Variants in PHF20 observed in about 807,000 individuals in gnomAD.
The protein encoded by PHF20 is glioma-expressed antigen 2.
PHF20 carries 23 observed loss-of-function variants against 113.5 expected under a neutral mutation model. That is an observed-to-expected ratio of 0.20 (90% CI 0.15 to 0.29). The LOEUF (loss-of-function observed/expected upper bound fraction) is 0.29, where lower values mean the gene tolerates loss of function less well. Ranked by LOEUF, PHF20 falls within the 10% of genes least tolerant of loss-of-function variation. PHF20 has a pLI of 1.00. For missense variants in PHF20, 943 were observed against 1,219.6 expected, an observed-to-expected ratio of 0.77 and a Z score of 3.38; for synonymous variants, 434 against 457.3, an observed-to-expected ratio of 0.95 and a Z score of 0.65.
At chr20:35,831,137 CT>C (rs977789352) in intron 2 of PHF20, among the ~76,000 whole-genome samples, 1 of 151,010 alleles carries the variant, frequency 6.6e-6, no homozygotes, top group African/African-American at 2.5e-5. Context: ...CCCTCCCTCC[CT>C]CTCTTCCTCC....
At chr20:35,876,914 G>A (rs1803467790) in intron 9 of PHF20, among the ~76,000 whole-genome samples, 1 of 151,388 alleles carries the variant, frequency 6.6e-6, no homozygotes, top group Non-Finnish European at 1.5e-5. Context: ...AGACCATCCT[G>A]TCTAACACGG....
chr20:35,826,193 G>A (rs1313750861), intron 2 of PHF20, among the ~76,000 whole-genome samples: 7 of 152,098 alleles, frequency 4.6e-5, no homozygotes, highest in African/African-American at 1.4e-4. Flanking sequence ...ACAGGTGCCC[G>A]CCACCACACT....
chr20:35,826,473 G>A (rs2042263890), intron 2 of PHF20, among the ~76,000 whole-genome samples: 1 of 152,194 alleles, frequency 6.6e-6, no homozygotes, highest in Non-Finnish European at 1.5e-5. Flanking sequence ...TTGTGATGAG[G>A]AAGAGAGTCG....
intron 2 of PHF20, among the ~76,000 whole-genome samples, chr20:35,830,443 T>G (rs2042339690): frequency 6.6e-6 from 1 of 152,244 alleles, no homozygotes; most frequent in South Asian, 2.1e-4. Context: ...GTTTTATTCC[T>G]TTTTAAGGCT....
rs556839397 is a variant in PHF20, at chr20:35,934,011, C to A, written c.2300+2567C>A. On this transcript the variant is annotated intron_variant, in intron 15 of 17. Transcript: ENST00000374012. ...GATACTGCATGACCTTGTGAGCTTT[C>A]TTTTGGTTTTAGTATAGTCTGTGTC... 3.3e-5 allele frequency among the ~76,000 whole-genome samples: 5 copies of A among 152,266 alleles called. No homozygotes were observed. The South Asian group carries it at 1.0e-3, about 32-fold the overall frequency.
At chr20:35,828,880 A>G (rs889892639) in intron 2 of PHF20, among the ~76,000 whole-genome samples, 1 of 152,212 alleles carries the variant, frequency 6.6e-6, no homozygotes, top group Non-Finnish European at 1.5e-5. Context: ...TTTGTTAGCT[A>G]CTTAGTGCTG....
rs1416957169 is a variant in PHF20 at position 35,949,656 on chromosome 20, T to C, written c.*2029T>C. 3 of 152,666 alleles carry C rather than the reference T, an allele frequency of 2.0e-5. No individual in the cohort carries two copies. Among genetic ancestry groups the C allele is most frequent in the Non-Finnish European group, 1.5e-5 (1 of 68,040 alleles). The allele number at this position is 152,666 out of a possible 1,614,324, so 9.5% of individuals were successfully genotyped here. A position where few individuals can be genotyped will look rare whatever the true frequency, so the allele number is the denominator to read the frequency against. ...ATTGTGCTTCCCTAATTTAAAGCCA[T>C]GTTGAGGGGCTCCATTCCCAATTCC... is the stretch of plus-strand genomic sequence containing the variant. On this transcript the variant is annotated 3_prime_UTR_variant, in exon 18 of 18. Coordinates refer to ENST00000374012, the MANE Select transcript of PHF20 (RefSeq NM_016436.5).
At chr20:35,842,147 A>AC (rs530427025) in intron 2 of PHF20, among the ~76,000 whole-genome samples, 1 of 152,248 alleles carries the variant, frequency 6.6e-6, no homozygotes, top group South Asian at 2.1e-4. Flanking sequence ...GGAGTTCGAG[A>AC]CCAGCCTGGC....
In PHF20 at chr20:35,941,144, C is replaced by T. The variant is rs746444489; in HGVS notation, c.2896+97C>T. On this transcript the variant is annotated intron_variant, in intron 17 of 17. Transcript: ENST00000374012. ...CCCCCCAGTCTGAGTTTACAGGGAC[C>T]GCTGTACTCTTTGCTTCTCTTCTTT... 5.0e-5 allele frequency: 45 copies of T among 903,332 alleles called. No homozygotes were observed. In the Middle Eastern group the frequency reaches 1.3e-3, roughly 27 times the overall value. 56.0% of individuals were successfully genotyped at this position (903,332 alleles called of 1,614,324 possible).
chr20:35,872,733 T>C (rs924140551), intron 9 of PHF20, among the ~76,000 whole-genome samples: 1 of 152,236 alleles, frequency 6.6e-6, no homozygotes, highest in African/African-American at 2.4e-5. Context: ...ATTTCTAATA[T>C]AGTTTTACTG....
intron 10 of PHF20, among the ~76,000 whole-genome samples, chr20:35,910,731 C>T (rs917241957): frequency 4.0e-5 from 6 of 151,886 alleles, no homozygotes; most frequent in African/African-American, 7.3e-5. Context: ...TGGGCTCAAG[C>T]GATTCTCCTG....
chr20:35,947,771 T>C lies in PHF20; in HGVS notation c.*144T>C. ...ATCTGGGCCAGGAGTGTGGTGGACA[T>C]TGGACAAAGAGGCCATTTTGGCTGC... On this transcript the variant is annotated 3_prime_UTR_variant, in exon 18 of 18. Coordinates refer to ENST00000374012, the MANE Select transcript of PHF20 (RefSeq NM_016436.5). 2 of 867,668 alleles carry C rather than the reference T, an allele frequency of 2.3e-6. No homozygotes were observed. Among genetic ancestry groups the C allele is most frequent in the Non-Finnish European group, 1.7e-6 (1 of 579,224 alleles). 53.7% of individuals were successfully genotyped at this position (867,668 alleles called of 1,614,324 possible).
chr20:35,878,697 C>A lies in PHF20; in HGVS notation c.1282+6868C>A. 4 of 775,074 alleles carry A rather than the reference C, an allele frequency of 5.2e-6. No homozygotes were observed. The South Asian group carries it at 5.5e-5, about 11-fold the overall frequency. The allele number at this position is 775,074 out of a possible 1,614,324, so 48.0% of individuals were successfully genotyped here. On this transcript the variant is annotated intron_variant, in intron 9 of 17. Transcript: ENST00000374012. ...GTAGGAGCAATGACTGTTGTTATAT[C>A]ATGTATCGAGAATTCTGGGCAAAAC...
rs1345902393 is a variant in PHF20 at position 35,878,461 on chromosome 20, A to G, written c.1282+6632A>G. 4 of 554,268 alleles carry G rather than the reference A, an allele frequency of 7.2e-6. No individual in the cohort carries two copies. In the East Asian group the frequency reaches 1.2e-4, roughly 17 times the overall value. 34.3% of individuals were successfully genotyped at this position (554,268 alleles called of 1,614,324 possible). On this transcript the variant is annotated intron_variant, in intron 9 of 17. Transcript: ENST00000374012. The stretch of plus-strand genomic sequence containing the variant: ...GATTGTTTAAGCAATCACTATGTCG[A>G]CAAACACAGATGTTTCCCTTTCTGA...
intron 9 of PHF20, among the ~76,000 whole-genome samples, chr20:35,883,737 TG>T (rs1568703084): frequency 6.6e-6 from 1 of 152,062 alleles, no homozygotes; most frequent in Non-Finnish European, 1.5e-5. Flanking sequence ...CCAGTGTGTC[TG>T]GCCCAGAGTC....
At chr20:35,810,021 C>G (rs1400615189) in intron 2 of PHF20, among the ~76,000 whole-genome samples, 3 of 152,132 alleles carry the variant, frequency 2.0e-5, no homozygotes, top group African/African-American at 4.8e-5. Context: ...CCTCCGCCTC[C>G]TGAGTTCAAG....
chr20:35,845,409 A>G (rs1250304055), intron 3 of PHF20: 2 of 396,464 alleles, frequency 5.0e-6, no homozygotes, highest in Non-Finnish European at 5.2e-6. Context: ...TCTGTCGCCC[A>G]GTCTGAAGTG....
At chr20:35,868,627 A>T (rs2054361477) in intron 6 of PHF20, among the ~76,000 whole-genome samples, 1 of 151,158 alleles carries the variant, frequency 6.6e-6, no homozygotes, top group Non-Finnish European at 1.5e-5. Flanking sequence ...CAAGCAAGCA[A>T]GCAAGCAAGC....
At chr20:35,856,240 A>C (rs2042825210) in intron 4 of PHF20, 1 of 152,156 alleles carries the variant, frequency 6.6e-6, no homozygotes, top group Non-Finnish European at 1.5e-5. Flanking sequence ...TAGTTTCGTC[A>C]TGTATTGGTG....
Sources: gnomAD v4.1 joint callset for allele counts (sites outside exome capture counted in the v4.1 genomes callset) on GRCh38, gnomAD v4.1.1 for gene constraint, MANE v1.5 for transcripts, NCBI Gene and HGNC (gene_info 2026-07-23, HGNC 2026-07-21) for gene names.